Variants in SNX29 observed in about 807,000 individuals in gnomAD.
SNX29 encodes the protein sorting nexin-29.
SNX29 carries 78 observed loss-of-function variants against 102.1 expected under a neutral mutation model. The ratio of observed to expected loss-of-function variants is 0.76; its 90% CI spans 0.64 to 0.92. The LOEUF is 0.92. Ranked by LOEUF, SNX29 falls within the 40% of genes least tolerant of loss-of-function variation. SNX29 has a pLI of 0.00. For missense variants in SNX29, 1,280 were observed against 1,061.7 expected (o/e 1.21, Z -2.86); for synonymous variants, 580 against 414.5 (o/e 1.40, Z -4.85).
At chr16:12,201,397 A>G (rs1313692129) in intron 14 of SNX29, among the ~76,000 whole-genome samples, 1 of 152,230 alleles carries the variant, frequency 6.6e-6, no homozygotes, top group Admixed American at 6.5e-5. Context: ...AGCCTTTCCA[A>G]GCAAGCTCAA....
intron 4 of SNX29, among the ~76,000 whole-genome samples, chr16:12,033,357 C>A (rs1320911525): frequency 6.6e-6 from 1 of 151,890 alleles, no homozygotes; most frequent in East Asian, 1.9e-4. Context: ...CCCACCTTGG[C>A]CTCCCAAAGT....
At chr16:12,566,074 C>T (rs957527892) in intron 20 of SNX29, among the ~76,000 whole-genome samples, 26 of 152,344 alleles carry the variant, frequency 1.7e-4, no homozygotes, top group African/African-American at 5.5e-4. Flanking sequence ...TCTCTCTAGG[C>T]ACTTGATCCC....
chr16:12,305,717 A>G (rs1465361543), intron 15 of SNX29, among the ~76,000 whole-genome samples: 3 of 152,218 alleles, frequency 2.0e-5, no homozygotes, highest in Non-Finnish European at 4.4e-5. Context: ...TTGTGTATCC[A>G]GACTCCGAAA....
intron 20 of SNX29, among the ~76,000 whole-genome samples, chr16:12,550,952 G>C (rs1239820561): frequency 1.3e-5 from 2 of 152,150 alleles, no homozygotes; most frequent in African/African-American, 2.4e-5. Context: ...GAATCATAAA[G>C]GTAGAATGGG....
intron 18 of SNX29, among the ~76,000 whole-genome samples, chr16:12,461,381 G>C (rs181153518): frequency 6.6e-6 from 1 of 152,182 alleles, no homozygotes. Context: ...TTACTGTGAC[G>C]AGGGGTAGAG....
At chr16:12,144,728 A>G (rs771233789) in intron 13 of SNX29, among the ~76,000 whole-genome samples, 2 of 152,172 alleles carry the variant, frequency 1.3e-5, no homozygotes, top group Non-Finnish European at 2.9e-5. Context: ...CTTTGTGGGT[A>G]TTTATTTTTT....
At chr16:12,281,242 G>A (rs1418480750) in intron 15 of SNX29, among the ~76,000 whole-genome samples, 4 of 152,118 alleles carry the variant, frequency 2.6e-5, no homozygotes. Flanking sequence ...AAGGATATTT[G>A]GAACACCTTA....
chr16:12,403,352 T>G, intron 17 of SNX29, 96 bp from the exon 18 acceptor site: 1 of 1,237,580 alleles, frequency 8.1e-7, no homozygotes, highest in Non-Finnish European at 1.1e-6. Flanking sequence ...TAATACCTCT[T>G]GGAGTAGAAA....
intron 13 of SNX29, among the ~76,000 whole-genome samples, chr16:12,184,081 G>A (rs990472695): frequency 6.6e-6 from 1 of 152,162 alleles, no homozygotes. Flanking sequence ...TAATAAACTT[G>A]ATTTCACTTT....
chr16:12,101,591 C>A (rs1177331031), intron 11 of SNX29, among the ~76,000 whole-genome samples: 1 of 151,858 alleles, frequency 6.6e-6, no homozygotes, highest in Non-Finnish European at 1.5e-5. Context: ...ACCATGTTGG[C>A]CAGGCTGATC....
chr16:12,297,550 G>T (rs1596805811), intron 15 of SNX29, among the ~76,000 whole-genome samples: 1 of 151,816 alleles, frequency 6.6e-6, no homozygotes, highest in Admixed American at 6.6e-5. Flanking sequence ...TTTGCTAAGA[G>T]AGATCTGAGG....
chr16:12,431,772 C>G (rs914563844), intron 18 of SNX29, among the ~76,000 whole-genome samples: 3 of 152,178 alleles, frequency 2.0e-5, no homozygotes, highest in African/African-American at 7.2e-5. Flanking sequence ...TTACCTAAAC[C>G]CACAGCCGGT....
intron 19 of SNX29, among the ~76,000 whole-genome samples, chr16:12,478,565 C>A (rs779363308): frequency 1.3e-5 from 2 of 152,204 alleles, no homozygotes; most frequent in Admixed American, 6.5e-5. Flanking sequence ...ATTAATTGGG[C>A]TCCAATTGTG....
At chr16:12,326,613 G>T (rs1197057546) in intron 15 of SNX29, among the ~76,000 whole-genome samples, 1 of 152,190 alleles carries the variant, frequency 6.6e-6, no homozygotes, top group Non-Finnish European at 1.5e-5. Flanking sequence ...GGGCACTGGG[G>T]CTGGCTTTGG....
At chr16:12,052,689 A>G (rs910103024) in intron 8 of SNX29, 2 of 184,776 alleles carry the variant, frequency 1.1e-5, no homozygotes, top group Admixed American at 1.1e-4. Flanking sequence ...GAGAACTGAA[A>G]GAGGGGAAAG....
rs369153166 is a variant in SNX29 at position 12,407,407 on chromosome 16, G to A, written c.2037+3878G>A. 8.7e-4 allele frequency among the ~76,000 whole-genome samples: 132 copies of A among 151,656 alleles called. 1 individual carries two copies. Among genetic ancestry groups the A allele is most frequent in the African/African-American group, 2.9e-3 (119 of 41,304 alleles). On this transcript the variant is annotated intron_variant, in intron 18 of 20. Transcript: ENST00000566228. ...ATTCTATTTTTCCATTTACCATGGT[G>A]ATGTACAGTCCCCCTTTAAAATATA... is the stretch of plus-strand genomic sequence containing the variant.
intron 14 of SNX29, among the ~76,000 whole-genome samples, chr16:12,222,093 T>C (rs112119503): frequency 0.035 from 5,363 of 152,326 alleles, 348 homozygotes; most frequent in African/African-American, 0.12. Context: ...CATTGACTCA[T>C]TGAATCGTCA....
chr16:12,522,810 C>T (rs1597725268), intron 19 of SNX29, among the ~76,000 whole-genome samples: 1 of 152,118 alleles, frequency 6.6e-6, no homozygotes, highest in African/African-American at 2.4e-5. Context: ...TTCCTTATAG[C>T]AGTGTGAGAA....
At chr16:12,065,662 A>G (rs968153394) in intron 9 of SNX29, among the ~76,000 whole-genome samples, 1 of 152,154 alleles carries the variant, frequency 6.6e-6, no homozygotes, top group African/African-American at 2.4e-5. Flanking sequence ...GGGCAGTTTT[A>G]CTGTTTTGGT....
Sources: gnomAD v4.1 joint callset for allele counts (sites outside exome capture counted in the v4.1 genomes callset) on GRCh38, gnomAD v4.1.1 for gene constraint, MANE v1.5 for transcripts, NCBI Gene and HGNC (gene_info 2026-07-23, HGNC 2026-07-21) for gene names.